Variants in PKHD1 observed in about 807,000 individuals in gnomAD.
PKHD1 encodes fibrocystin.
In PKHD1, 291 loss-of-function variants were observed where a neutral mutation model predicts 412.0. The ratio of observed to expected loss-of-function variants is 0.71; its 90% CI spans 0.64 to 0.78. The LOEUF (loss-of-function observed/expected upper bound fraction) is 0.78. Ranked by LOEUF, PKHD1 falls within the 30% of genes least tolerant of loss-of-function variation. The pLI, the probability that PKHD1 is intolerant of heterozygous loss-of-function variation, is 0.00. For missense variants in PKHD1, 4,825 were observed against 4,950.7 expected, an observed-to-expected ratio of 0.97 and a Z score of 0.76; for synonymous variants, 1,777 against 1,821.5, an observed-to-expected ratio of 0.98 and a Z score of 0.62.
intron 37 of PKHD1, among the ~76,000 whole-genome samples, chr6:51,927,562 A>T (rs546349721): frequency 2.0e-5 from 3 of 152,238 alleles, no homozygotes; most frequent in East Asian, 1.9e-4. Context: ...CTATAGAGCG[A>T]GGTGTGAAAC....
chr6:51,667,372 G>C (rs1201441593), intron 60 of PKHD1, among the ~76,000 whole-genome samples: 1 of 151,562 alleles, frequency 6.6e-6, no homozygotes, highest in Non-Finnish European at 1.5e-5. Context: ...CATGTCCTTT[G>C]CCCACTTTTT....
chr6:51,764,421 C>T (rs1396934648), intron 55 of PKHD1, among the ~76,000 whole-genome samples: 1 of 146,066 alleles, frequency 6.8e-6, no homozygotes, highest in African/African-American at 2.5e-5. Context: ...ACAACAGGTG[C>T]TGGAGAGGAT....
intron 66 of PKHD1, chr6:51,621,771 T>C (rs905978895): frequency 6.6e-6 from 1 of 152,194 alleles, no homozygotes; most frequent in Non-Finnish European, 1.5e-5. Flanking sequence ...GCACACATTA[T>C]GTGTCAGCGC....
At chr6:51,776,156 G>A (rs1033417551) in intron 53 of PKHD1, among the ~76,000 whole-genome samples, 2 of 151,976 alleles carry the variant, frequency 1.3e-5, no homozygotes, top group African/African-American at 4.8e-5. Flanking sequence ...TATTAGGGCA[G>A]TGTAAACTTT....
rs1469092362 is a variant in PKHD1, at chr6:51,615,644, T to C, written c.*3437A>G. ...TTGGTTGAATAATATTTGCATATGA[T>C]TTACATTTGATTTCCTCATACTCAT... On this transcript the variant is annotated 3_prime_UTR_variant, in exon 67 of 67. Coordinates refer to ENST00000371117, the MANE Select transcript of PKHD1 (RefSeq NM_138694.4). The C allele has an allele frequency of 5.3e-5, 8 of 152,242 alleles. No homozygotes were observed. The highest frequency in any genetic ancestry group is 5.2e-4 in the Admixed American group (8 of 15,284). 9.4% of individuals were successfully genotyped at this position (152,242 alleles called of 1,614,324 possible). A position where few individuals can be genotyped will look rare whatever the true frequency, so the allele number is the denominator to read the frequency against.
chr6:51,751,896 T>C (rs569875598), intron 57 of PKHD1, among the ~76,000 whole-genome samples: 5 of 152,350 alleles, frequency 3.3e-5, no homozygotes, highest in Admixed American at 2.6e-4. Flanking sequence ...GCACAGTTTC[T>C]GGTCCACAAG....
At chr6:51,779,502 G>A (rs1473113622) in intron 53 of PKHD1, among the ~76,000 whole-genome samples, 2 of 152,200 alleles carry the variant, frequency 1.3e-5, no homozygotes, top group African/African-American at 4.8e-5. Context: ...CCTTCTCTCA[G>A]TGAGCGCAAG....
chr6:51,780,750 T>C (rs1021398358), intron 53 of PKHD1, among the ~76,000 whole-genome samples: 3 of 152,146 alleles, frequency 2.0e-5, no homozygotes, highest in African/African-American at 7.2e-5. Context: ...CCACAATTAA[T>C]AAAAATATGT....
intron 43 of PKHD1, among the ~76,000 whole-genome samples, chr6:51,892,213 C>T (rs1315747251): frequency 6.6e-6 from 1 of 152,218 alleles, no homozygotes; most frequent in Non-Finnish European, 1.5e-5. Context: ...CATGTCTCAC[C>T]TACCACAGGG....
rs182265098 is a variant in PKHD1 at position 51,908,538 on chromosome 6, G to T, written c.6682+745C>A. Among the ~76,000 whole-genome samples the T allele has an allele frequency of 5.3e-5, 8 of 152,260 alleles. No homozygotes were observed. The East Asian group carries it at 1.4e-3, about 26-fold the overall frequency. On this transcript the variant is annotated intron_variant, in intron 40 of 66. Coordinates refer to ENST00000371117, the MANE Select transcript of PKHD1 (RefSeq NM_138694.4). ...CTTGGCATCTGCACCCCCATTCTGTGATTCTCTGCATGTCAGCTTTTGGTA... is the reference window on the plus strand; with the variant it reads ...CTTGGCATCTGCACCCCCATTCTGTTATTCTCTGCATGTCAGCTTTTGGTA...
At position 51,748,655 on chromosome 6, in the gene PKHD1, T is replaced by C. The variant is rs752307360; in HGVS notation, c.8961A>G (p.Gln2987=). The C allele has an allele frequency of 3.1e-6, 5 of 1,613,604 alleles. No individual in the cohort carries two copies. Among genetic ancestry groups the C allele is most frequent in the South Asian group, 1.1e-5 (1 of 91,084 alleles). ...AGTTCTGAATTTCCACATTAAGAAGTTGAAGGACACCTATAAACAAATGCA... is the reference window on the plus strand; with the variant it reads ...AGTTCTGAATTTCCACATTAAGAAGCTGAAGGACACCTATAAACAAATGCA... ...SSREEFSGVL[Q]LLNVEIQNFG... is the part of the protein sequence containing the mutation. Residue 2987 remains glutamine (Q), a synonymous_variant, in exon 58 of 67, where the codon CAA becomes CAG. Coordinates refer to ENST00000371117, the MANE Select transcript of PKHD1 (RefSeq NM_138694.4).
intron 52 of PKHD1, among the ~76,000 whole-genome samples, chr6:51,817,277 C>A (rs1310108730): frequency 6.6e-6 from 1 of 151,994 alleles, no homozygotes; most frequent in East Asian, 1.9e-4. Flanking sequence ...ACCCTATTCA[C>A]AAAATGTGTG....
intron 66 of PKHD1, among the ~76,000 whole-genome samples, chr6:51,621,648 C>G (rs1766633295): frequency 6.6e-6 from 1 of 152,122 alleles, no homozygotes; most frequent in Non-Finnish European, 1.5e-5. Flanking sequence ...CATGGCAGCT[C>G]CAATCAGCAA....
rs189445838 is a variant in PKHD1, at chr6:51,892,329, G to C, written c.6997-5084C>G. Among the ~76,000 whole-genome samples the C allele has an allele frequency of 1.6e-3, 248 of 152,330 alleles. 3 individuals are homozygous for C. The highest frequency in any genetic ancestry group is 5.4e-3 in the African/African-American group (226 of 41,564). ...TCAGGTCCATTTCTAAGACTTCAAT[G>C]GTCTTAGGGTGGCCTAGTCTAGAGT... On this transcript the variant is annotated intron_variant, in intron 43 of 66. Transcript: ENST00000371117.
intron 33 of PKHD1, 36 bp downstream of exon 33, chr6:52,022,765 T>G (rs760659804): frequency 6.2e-7 from 1 of 1,604,488 alleles, no homozygotes; most frequent in Non-Finnish European, 8.5e-7. Context: ...TCCATATATA[T>G]GCTTTAAAAT....
At chr6:51,867,356 G>A (rs1775242794) in intron 48 of PKHD1, among the ~76,000 whole-genome samples, 1 of 152,042 alleles carries the variant, frequency 6.6e-6, no homozygotes, top group Admixed American at 6.6e-5. Context: ...ATATTAATAG[G>A]AAATGTATTG....
At chr6:52,083,335 T>A in intron 2 of PKHD1, 80 bp from the exon 3 acceptor site, 2 of 920,394 alleles carry the variant, frequency 2.2e-6, no homozygotes, top group Non-Finnish European at 3.6e-6. Flanking sequence ...AAGCAATATT[T>A]AACCTGCCTC....
chr6:51,713,403 G>A (rs1780873345), intron 60 of PKHD1, among the ~76,000 whole-genome samples: 1 of 152,160 alleles, frequency 6.6e-6, no homozygotes, highest in African/African-American at 2.4e-5. Flanking sequence ...AGTTTGGTTG[G>A]CTTTGGATCA....
At chr6:52,008,053 G>A (rs558522223) in intron 35 of PKHD1, among the ~76,000 whole-genome samples, 8 of 152,264 alleles carry the variant, frequency 5.3e-5, no homozygotes, top group Admixed American at 4.6e-4. Context: ...TAACACTTGA[G>A]TGTAACACAT....
Sources: gnomAD v4.1 joint callset for allele counts (sites outside exome capture counted in the v4.1 genomes callset) on GRCh38, gnomAD v4.1.1 for gene constraint, MANE v1.5 for transcripts, NCBI Gene and HGNC (gene_info 2026-07-23, HGNC 2026-07-21) for gene names.